Variants in RAB38 observed in about 807,000 individuals in gnomAD.
The protein encoded by RAB38 is RAB38, member RAS oncogene family, also known as ras-related protein Rab-38.
A neutral mutation model predicts 18.4 loss-of-function variants in RAB38; 15 were observed. The observed-to-expected ratio is 0.82, with a 90% confidence interval of 0.55 to 1.26. RAB38 has a LOEUF of 1.26. RAB38 is among the 50% of genes most tolerant of loss of function. RAB38 has a pLI of 0.00. For missense variants in RAB38, 294 were observed against 267.4 expected, an observed-to-expected ratio of 1.10 and a Z score of -0.69; for synonymous variants, 101 against 104.4, an observed-to-expected ratio of 0.97 and a Z score of 0.20.
chr11:88,131,819 G>T (rs1942770460), intron 2 of RAB38, among the ~76,000 whole-genome samples: 1 of 152,172 alleles, frequency 6.6e-6, no homozygotes, highest in Non-Finnish European at 1.5e-5. Context: ...CCCTTGATTA[G>T]GCTCCCTTTC....
chr11:88,057,548 A>G, the RAB38 span, among the ~76,000 whole-genome samples: 1 of 152,146 alleles, frequency 6.6e-6, no homozygotes, highest in Non-Finnish European at 1.5e-5. Context: ...AGCACACAGC[A>G]TGTAGTGTTC....
At chr11:87,949,611 A>G in the RAB38 span, among the ~76,000 whole-genome samples, 1 of 152,172 alleles carries the variant, frequency 6.6e-6, no homozygotes, top group Non-Finnish European at 1.5e-5. Flanking sequence ...ATTGGTTTCA[A>G]AGAACATCTT....
the RAB38 span, among the ~76,000 whole-genome samples, chr11:88,009,437 G>C: frequency 0.012 from 1,780 of 152,252 alleles, 39 homozygotes; most frequent in African/African-American, 0.04. Flanking sequence ...GAAAGGGACA[G>C]ATAATCCTCA....
the RAB38 span, among the ~76,000 whole-genome samples, chr11:87,855,967 G>C: frequency 2.6e-5 from 4 of 152,074 alleles, no homozygotes; most frequent in African/African-American, 9.7e-5. Context: ...CCAACATTTA[G>C]TTCGGTGTTC....
the RAB38 span, among the ~76,000 whole-genome samples, chr11:87,852,827 A>G: frequency 2.0e-5 from 3 of 151,976 alleles, no homozygotes; most frequent in Non-Finnish European, 4.4e-5. Context: ...ATCTTTTCTC[A>G]CCTCTTTTCA....
intron 1 of RAB38, among the ~76,000 whole-genome samples, chr11:88,168,633 C>T (rs1447024231): frequency 6.6e-6 from 1 of 151,370 alleles, no homozygotes; most frequent in East Asian, 1.9e-4. Flanking sequence ...CAGGCAAGAT[C>T]TTATACTTCT....
At chr11:88,111,796 CT>C (rs1477403048), downstream of RAB38, among the ~76,000 whole-genome samples, 1 of 152,220 alleles carries the variant, frequency 6.6e-6, no homozygotes, top group Non-Finnish European at 1.5e-5. Flanking sequence ...GGGAACACTT[CT>C]TGCTTTAGTA....
At chr11:88,120,737 T>G (rs1297736274) in intron 2 of RAB38, among the ~76,000 whole-genome samples, 2 of 152,110 alleles carry the variant, frequency 1.3e-5, no homozygotes, top group Non-Finnish European at 2.9e-5. Context: ...GATGTCAAAG[T>G]GTATTTCAAA....
chr11:88,112,767 C>T (rs57703699), downstream of RAB38, among the ~76,000 whole-genome samples: 6,427 of 148,728 alleles, frequency 0.043, 159 homozygotes, highest in South Asian at 0.068. Flanking sequence ...AGCAAGACTC[C>T]GTCTCAACAA....
chr11:87,966,784 G>C, the RAB38 span, among the ~76,000 whole-genome samples: 496 of 152,284 alleles, frequency 3.3e-3, 3 homozygotes, highest in African/African-American at 0.012. Context: ...AATTTTATCT[G>C]AGATAGTTTC....
At chr11:87,973,736 C>A in the RAB38 span, among the ~76,000 whole-genome samples, 1 of 143,754 alleles carries the variant, frequency 7.0e-6, no homozygotes, top group Non-Finnish European at 1.6e-5. Flanking sequence ...AAGAGAGAAG[C>A]TGATGCAGGG....
chr11:87,922,243 T>C, the RAB38 span, among the ~76,000 whole-genome samples: 1 of 151,954 alleles, frequency 6.6e-6, no homozygotes, highest in Non-Finnish European at 1.5e-5. Flanking sequence ...AGGGAAAGAC[T>C]ATACTGGTAA....
At chr11:87,973,411 C>A in the RAB38 span, among the ~76,000 whole-genome samples, 1 of 152,014 alleles carries the variant, frequency 6.6e-6, no homozygotes, top group Non-Finnish European at 1.5e-5. Context: ...CAGTTGTCTT[C>A]AAGAATCGGA....
chr11:88,111,096 A>G (rs769627970), downstream of RAB38, among the ~76,000 whole-genome samples: 57 of 152,312 alleles, frequency 3.7e-4, no homozygotes, highest in Non-Finnish European at 6.6e-4. Flanking sequence ...TGCCATAATT[A>G]ATATTCATCA....
At chr11:88,057,906 G>C in the RAB38 span, among the ~76,000 whole-genome samples, 1 of 152,102 alleles carries the variant, frequency 6.6e-6, no homozygotes, top group Non-Finnish European at 1.5e-5. Flanking sequence ...CAGGGGGTTA[G>C]GGAATTCCTT....
the RAB38 span, among the ~76,000 whole-genome samples, chr11:88,003,739 AT>A: frequency 7.6e-5 from 1 of 13,228 alleles, no homozygotes; most frequent in African/African-American, 3.4e-4. Context: ...TATATTGTAT[AT>A]ATTATATATA....
At chr11:88,018,632 G>C in the RAB38 span, among the ~76,000 whole-genome samples, 1 of 152,018 alleles carries the variant, frequency 6.6e-6, no homozygotes, top group Non-Finnish European at 1.5e-5. Flanking sequence ...GTATCCATGG[G>C]GGATTGGTTC....
At chr11:87,925,728 C>G in the RAB38 span, among the ~76,000 whole-genome samples, 1 of 151,958 alleles carries the variant, frequency 6.6e-6, no homozygotes, top group Non-Finnish European at 1.5e-5. Flanking sequence ...AGGCAGATGA[C>G]TGCAAAAATA....
the RAB38 span, among the ~76,000 whole-genome samples, chr11:88,021,919 T>A: frequency 1.3e-5 from 2 of 151,372 alleles, no homozygotes; most frequent in African/African-American, 2.4e-5. Context: ...TCCACCCACC[T>A]TGGGCTCCCA....
Sources: gnomAD v4.1 joint callset for allele counts (sites outside exome capture counted in the v4.1 genomes callset) on GRCh38, gnomAD v4.1.1 for gene constraint, MANE v1.5 for transcripts, NCBI Gene and HGNC (gene_info 2026-07-23, HGNC 2026-07-21) for gene names.